Variants in EHBP1 observed in about 807,000 individuals in gnomAD.
The protein encoded by EHBP1 is EH domain-binding protein 1.
A neutral mutation model predicts 144.0 loss-of-function variants in EHBP1; 55 were observed. That is an observed-to-expected ratio of 0.38 (90% CI 0.31 to 0.48). EHBP1 has a LOEUF of 0.48. Ranked by LOEUF, EHBP1 falls within the 20% of genes least tolerant of loss-of-function variation. The pLI is 0.98. For synonymous variants in EHBP1, 469 were observed against 472.7 expected, an observed-to-expected ratio of 0.99 and a Z score of 0.10; for missense variants, 1,200 against 1,364.2, an observed-to-expected ratio of 0.88 and a Z score of 1.90.
chr2:63,025,545 G>A (rs2060939065), intron 19 of EHBP1, among the ~76,000 whole-genome samples: 1 of 152,196 alleles, frequency 6.6e-6, no homozygotes, highest in South Asian at 2.1e-4. Context: ...TTATAGGCGT[G>A]AGGCTCTGGC....
At chr2:62,755,783 T>C (rs2040221679) in intron 3 of EHBP1, among the ~76,000 whole-genome samples, 1 of 152,194 alleles carries the variant, frequency 6.6e-6, no homozygotes, top group East Asian at 1.9e-4. Flanking sequence ...ATCCACTAAG[T>C]ATAATAGGTG....
intron 2 of EHBP1, among the ~76,000 whole-genome samples, chr2:62,739,935 G>GAA (rs66665657): frequency 1.6e-4 from 16 of 97,084 alleles, no homozygotes; most frequent in Non-Finnish European, 3.0e-4. Context: ...GCCTGTCTCA[G>GAA]AAAAAAAAAA....
chr2:62,790,531 A>G (rs766507154), intron 5 of EHBP1, among the ~76,000 whole-genome samples: 3 of 152,204 alleles, frequency 2.0e-5, no homozygotes, highest in Admixed American at 6.5e-5. Flanking sequence ...GTTACTTTAT[A>G]TAAGGATTAT....
At chr2:62,979,857 T>G (rs1559017443) in intron 15 of EHBP1, among the ~76,000 whole-genome samples, 1 of 152,176 alleles carries the variant, frequency 6.6e-6, no homozygotes, top group Non-Finnish European at 1.5e-5. Flanking sequence ...CAGAGATTAA[T>G]CTAAGCTTGA....
intron 6 of EHBP1, among the ~76,000 whole-genome samples, chr2:62,829,996 A>G (rs569922699): frequency 2.6e-5 from 4 of 151,038 alleles, no homozygotes; most frequent in Non-Finnish European, 5.9e-5. Context: ...CAGGGTATCT[A>G]CCCAGAAAAA....
At chr2:62,894,934 A>AGAGAGATT (rs1454936071) in intron 10 of EHBP1, among the ~76,000 whole-genome samples, 2 of 150,620 alleles carry the variant, frequency 1.3e-5, no homozygotes, top group African/African-American at 4.9e-5. Context: ...AGAAAGAGAG[A>AGAGAGATT]GAGAGAGAGA....
At chr2:63,005,259 A>T (rs1303470626) in intron 19 of EHBP1, among the ~76,000 whole-genome samples, 4 of 152,110 alleles carry the variant, frequency 2.6e-5, no homozygotes, top group Non-Finnish European at 4.4e-5. Flanking sequence ...CATGCTATAA[A>T]TGTAGCTGTT....
chr2:62,816,198 C>T (rs189084649), intron 5 of EHBP1, among the ~76,000 whole-genome samples: 15 of 152,088 alleles, frequency 9.9e-5, no homozygotes, highest in Non-Finnish European at 1.9e-4. Flanking sequence ...GAATATAGGA[C>T]TAGAGCTGTC....
chr2:62,900,079 A>G (rs2053269406), intron 10 of EHBP1, among the ~76,000 whole-genome samples: 1 of 152,200 alleles, frequency 6.6e-6, no homozygotes, highest in Non-Finnish European at 1.5e-5. Flanking sequence ...GGATTTGGAA[A>G]ACCTCTGTTC....
At chr2:63,038,291 G>A (rs1298746753) in intron 20 of EHBP1, among the ~76,000 whole-genome samples, 1 of 152,052 alleles carries the variant, frequency 6.6e-6, no homozygotes, top group Admixed American at 6.6e-5. Flanking sequence ...TTTCTGCCAT[G>A]CCTGAACTTG....
In EHBP1 at chr2:62,904,716, C is replaced by G. The variant is rs182297524; in HGVS notation, c.1185+30184C>G. 8.0e-4 allele frequency among the ~76,000 whole-genome samples: 122 copies of G among 152,318 alleles called. 1 individual carries two copies. The highest frequency in any genetic ancestry group is 8.0e-3 in the Admixed American group (122 of 15,298). On this transcript the variant is annotated intron_variant, in intron 10 of 22. Transcript: ENST00000431489. ...CACTTGAGATCTAACTCAAGTGACT[C>G]TTCCCATGTGAAGATCCCTCCCAGA...
chr2:63,029,809 A>G (rs1397339015), intron 19 of EHBP1, among the ~76,000 whole-genome samples: 1 of 152,016 alleles, frequency 6.6e-6, no homozygotes, highest in Non-Finnish European at 1.5e-5. Context: ...TCAGCTCACA[A>G]CCTTCACCTC....
At chr2:62,728,363 A>G (rs2151988524) in intron 2 of EHBP1, among the ~76,000 whole-genome samples, 2 of 152,334 alleles carry the variant, frequency 1.3e-5, no homozygotes, top group Middle Eastern at 3.4e-3. Flanking sequence ...TCCCACCAGC[A>G]ATGTATGAAG....
chr2:62,951,789 T>C lies in EHBP1; in HGVS notation c.2316+2627T>C, dbSNP rs557501554. 1.6e-4 allele frequency among the ~76,000 whole-genome samples: 25 copies of C among 152,252 alleles called. 1 individual carries two copies. In the South Asian group the frequency reaches 5.2e-3, roughly 32 times the overall value. On this transcript the variant is annotated intron_variant, in intron 13 of 22. Coordinates refer to ENST00000431489, the MANE Select transcript of EHBP1 (RefSeq NM_001142616.3). ...ATCCTCCTGCCTCAGTCTCCCAAAG[T>C]ACTGGGATTACAGGTGTGAGCCACC...
At chr2:62,692,346 A>T (rs967287951) in intron 1 of EHBP1, among the ~76,000 whole-genome samples, 1 of 152,230 alleles carries the variant, frequency 6.6e-6, no homozygotes, top group Non-Finnish European at 1.5e-5. Context: ...ACACTTATGC[A>T]CAAGTTTTTG....
chr2:62,790,646 C>T (rs1020470179), intron 5 of EHBP1, among the ~76,000 whole-genome samples: 1 of 152,066 alleles, frequency 6.6e-6, no homozygotes, highest in East Asian at 1.9e-4. Context: ...GTAAGTTATA[C>T]ACGGTATAAC....
intron 1 of EHBP1, among the ~76,000 whole-genome samples, chr2:62,690,223 T>C (rs1275586555): frequency 1.3e-5 from 2 of 152,068 alleles, no homozygotes; most frequent in African/African-American, 4.8e-5. Context: ...CAACTGGGGA[T>C]GATGGAGTAT....
intron 10 of EHBP1, among the ~76,000 whole-genome samples, chr2:62,906,150 G>C (rs1460843632): frequency 6.9e-6 from 1 of 144,588 alleles, no homozygotes; most frequent in African/African-American, 2.6e-5. Context: ...AAGTTATTTT[G>C]TCTTTTTTTT....
At chr2:62,730,907 T>G (rs11903549) in intron 2 of EHBP1, among the ~76,000 whole-genome samples, 4 of 7,596 alleles carry the variant, frequency 5.3e-4, no homozygotes, top group African/African-American at 2.0e-3. Flanking sequence ...ACAGACACAG[T>G]GAGAGAGACA....
Sources: allele counts gnomAD v4.1 joint callset (sites outside exome capture counted in the v4.1 genomes callset), GRCh38; gene constraint gnomAD v4.1.1; transcripts MANE v1.5; gene names NCBI Gene and HGNC (gene_info 2026-07-23, HGNC 2026-07-21).